Variants in SPTA1 observed in about 807,000 individuals in gnomAD.
SPTA1 encodes the protein spectrin alpha, erythrocytic 1, also known as spectrin alpha chain, erythrocytic 1.
SPTA1 carries 177 observed loss-of-function variants against 324.7 expected under a neutral mutation model. The ratio of observed to expected loss-of-function variants is 0.55; its 90% CI spans 0.48 to 0.62. The LOEUF is 0.62. SPTA1 is among the 20% of genes least tolerant of loss of function. The pLI is 0.00. For synonymous variants in SPTA1, 1,195 were observed against 1,041.3 expected, an observed-to-expected ratio of 1.15 and a Z score of -2.84; for missense variants, 3,162 against 2,883.6, an observed-to-expected ratio of 1.10 and a Z score of -2.21.
rs763611798 is a variant in SPTA1, at chr1:158,667,986, A to T, written c.1910T>A (p.Leu637Gln). 5.0e-6 allele frequency: 8 copies of T among 1,613,722 alleles called. No individual in the cohort carries two copies. The highest frequency in any genetic ancestry group is 6.8e-6 in the Non-Finnish European group (8 of 1,179,972). ...EKELAVNKTQ[L>Q]ENIQKTGQEM... ...TTGGCCAGTTTTCTGTATGTTTTCCAGCTGGGTCTTATTAACTGCCAACTC... is the reference window on the plus strand; with the variant it reads ...TTGGCCAGTTTTCTGTATGTTTTCCTGCTGGGTCTTATTAACTGCCAACTC... Residue 637 changes from leucine (L) to glutamine (Q), a missense_variant, in exon 15 of 52, where the codon CTG becomes CAG. Transcript: ENST00000643759.
intron 47 of SPTA1, among the ~76,000 whole-genome samples, chr1:158,615,742 T>C (rs1400580580): frequency 6.6e-6 from 1 of 152,174 alleles, no homozygotes; most frequent in African/African-American, 2.4e-5. Flanking sequence ...ATCTGTCATC[T>C]ATCAAGAGAG....
rs764710177 is a variant in SPTA1 at position 158,676,264 on chromosome 1, A to G, written c.989T>C (p.Leu330Pro). Residue 330 changes from leucine to proline, a missense_variant, in exon 8 of 52, where the codon CTG (leucine) becomes CCG (proline). Leu to Pro is a moderately conservative substitution (Grantham distance 98, BLOSUM62 -3). Coordinates refer to ENST00000643759, the MANE Select transcript of SPTA1 (RefSeq NM_003126.4). ...VKELCAKAEKLTLSHPSDAPQ... is the reference protein window; with the variant it reads ...VKELCAKAEKPTLSHPSDAPQ... ...TGCATCTGAAGGATGGGAAAGTGTCAGCTTCTCTGCTTTAGCACATAACTC... is the reference window on the plus strand; with the variant it reads ...TGCATCTGAAGGATGGGAAAGTGTCGGCTTCTCTGCTTTAGCACATAACTC... The G allele has an allele frequency of 1.1e-5, 17 of 1,613,612 alleles. No individual in the cohort carries two copies. Among genetic ancestry groups the G allele is most frequent in the Non-Finnish European group, 1.4e-5 (16 of 1,179,766 alleles).
At chr1:158,640,890 G>T (rs905835406) in intron 33 of SPTA1, among the ~76,000 whole-genome samples, 11 of 152,076 alleles carry the variant, frequency 7.2e-5, no homozygotes, top group Non-Finnish European at 1.2e-4. Context: ...GAGGCATCAC[G>T]CTACCTGACT....
At position 158,654,597 on chromosome 1, in the gene SPTA1, G is replaced by T. The variant is rs759705561; in HGVS notation, c.3036+14C>A. 6.2e-7 allele frequency: 1 copy of T among 1,613,880 alleles called. No individual in the cohort carries two copies. Among genetic ancestry groups the T allele is most frequent in the South Asian group, 1.1e-5 (1 of 91,058 alleles). Reference sequence around the variant, plus strand: ...GAGCCACTTTTTGATGGAAAGATTAGAAGGAAAAGTCACCTTATTGATGGA... The same window carrying T: ...GAGCCACTTTTTGATGGAAAGATTATAAGGAAAAGTCACCTTATTGATGGA... On this transcript the variant is annotated intron_variant, in intron 21 of 51. Coordinates refer to ENST00000643759, the MANE Select transcript of SPTA1 (RefSeq NM_003126.4).
chr1:158,677,246 A>C (rs1003955844), intron 7 of SPTA1, among the ~76,000 whole-genome samples: 4 of 152,156 alleles, frequency 2.6e-5, no homozygotes, highest in African/African-American at 9.7e-5. Context: ...AAGTGTCTTG[A>C]AGTTTATTTT....
Position 158,613,829 on chromosome 1 carries a change from T to C in SPTA1, c.6881A>G (p.Lys2294Arg). The change falls in exon 50 of 52, where the codon AAA becomes AGA. Residue 2294 changes from lysine to arginine, a missense_variant. Lys to Arg is a conservative substitution (Grantham distance 26). Coordinates refer to ENST00000643759, the MANE Select transcript of SPTA1 (RefSeq NM_003126.4). ...DENLTGRLTH[K>R]EFRSCLRGLN... ...TCCTCTCAGGCAGGACCGGAACTCT[T>C]TGTGAGTCAGGCGCCCTGTCAAATT... 2 of 1,613,908 alleles carry C rather than the reference T, an allele frequency of 1.2e-6. No homozygotes were observed. Among genetic ancestry groups the C allele is most frequent in the South Asian group, 1.1e-5 (1 of 91,070 alleles).
intron 39 of SPTA1, among the ~76,000 whole-genome samples, chr1:158,630,922 A>G (rs1257138316): frequency 6.6e-6 from 1 of 152,130 alleles, no homozygotes; most frequent in East Asian, 1.9e-4. Context: ...TAAAACCACA[A>G]TGAGGTATCA....
intron 48 of SPTA1, chr1:158,614,733 G>C (rs1324295749): frequency 1.6e-5 from 3 of 189,074 alleles, no homozygotes; most frequent in African/African-American, 7.1e-5. Context: ...ACCATTTACA[G>C]AAAAAGTTTG....
At chr1:158,641,344 A>G (rs1651555516) in intron 33 of SPTA1, among the ~76,000 whole-genome samples, 1 of 152,228 alleles carries the variant, frequency 6.6e-6, no homozygotes, top group Non-Finnish European at 1.5e-5. Flanking sequence ...CTGCACAGCA[A>G]AAGAAACTAC....
chr1:158,685,384 C>G, intron 1 of SPTA1, 37 bp from the exon 2 acceptor site: 4 of 1,608,196 alleles, frequency 2.5e-6, no homozygotes, highest in Non-Finnish European at 3.4e-6. Context: ...TGCTAGTTCT[C>G]AAATATTTAA....
intron 18 of SPTA1, among the ~76,000 whole-genome samples, chr1:158,659,348 C>T (rs922632345): frequency 3.3e-5 from 5 of 151,790 alleles, no homozygotes; most frequent in Non-Finnish European, 5.9e-5. Flanking sequence ...CAAATTTGTG[C>T]TTTTGGGATC....
At chr1:158,615,849 C>T (rs1321646852) in intron 47 of SPTA1, among the ~76,000 whole-genome samples, 3 of 152,290 alleles carry the variant, frequency 2.0e-5, no homozygotes, top group African/African-American at 7.2e-5. Flanking sequence ...TGTGGCTGAG[C>T]TCTCAGGCTC....
At chr1:158,665,729 G>A (rs934250806) in intron 16 of SPTA1, among the ~76,000 whole-genome samples, 2 of 151,970 alleles carry the variant, frequency 1.3e-5, no homozygotes, top group Non-Finnish European at 2.9e-5. Context: ...ACTTCTATTG[G>A]TTTCAATTTT....
Position 158,626,126 on chromosome 1 carries a change from C to CT in SPTA1, c.5910+19dup. 3.7e-6 allele frequency: 6 copies of CT among 1,610,952 alleles called. No individual in the cohort carries two copies. The highest frequency in any genetic ancestry group is 5.1e-6 in the Non-Finnish European group (6 of 1,177,246). On this transcript the variant is annotated intron_variant, in intron 42 of 51. Transcript: ENST00000643759. ...TGTGTGAATCAGGTCTTGGGCTTAC[C>CT]TAACATCTATCAATCTCACCTGTTT...
chr1:158,624,538 C>T (rs1650141465), intron 42 of SPTA1, among the ~76,000 whole-genome samples: 1 of 152,152 alleles, frequency 6.6e-6, no homozygotes, highest in African/African-American at 2.4e-5. Context: ...CAATTTATCC[C>T]ATTTGGAATT....
chr1:158,674,298 G>T, intron 10 of SPTA1, 31 bp downstream of exon 10: 2 of 1,591,262 alleles, frequency 1.3e-6, no homozygotes, highest in South Asian at 1.1e-5. Context: ...TATATAATTG[G>T]AATTTGACAA....
chr1:158,686,640 G>GA lies in SPTA1; in HGVS notation c.-124_-123insT, dbSNP rs1026493573. On this transcript the variant is annotated 5_prime_UTR_variant, in exon 1 of 52. The change creates a premature stop within an existing upstream ORF in the 5' untranslated region. Transcript: ENST00000643759. ...AAATATAGAAACGTTAAGTATGTGG[G>GA]GGAAAAAAAAAAACCTCTTGCTTGG... The GA allele has an allele frequency of 8.5e-5, 60 of 707,082 alleles. No individual in the cohort carries two copies. Among genetic ancestry groups the GA allele is most frequent in the Non-Finnish European group, 1.3e-4 (56 of 423,536 alleles). 43.8% of individuals were successfully genotyped at this position (707,082 alleles called of 1,614,324 possible).
intron 6 of SPTA1, 33 bp from the exon 7 acceptor site, chr1:158,677,867 A>C (rs758222342): frequency 8.7e-6 from 14 of 1,613,066 alleles, no homozygotes; most frequent in Non-Finnish European, 1.0e-5. Context: ...CAACCAAAGA[A>C]GATAGCAAGC....
chr1:158,680,870 G>A (rs1306324103), intron 4 of SPTA1, 141 bp from the exon 5 acceptor site: 7 of 1,115,724 alleles, frequency 6.3e-6, no homozygotes, highest in East Asian at 2.5e-5. Context: ...TCCTGGAAAA[G>A]GCCAGCAGCA....
Sources: gnomAD v4.1 joint callset for allele counts (sites outside exome capture counted in the v4.1 genomes callset) on GRCh38, gnomAD v4.1.1 for gene constraint, MANE v1.5 for transcripts, NCBI Gene and HGNC (gene_info 2026-07-23, HGNC 2026-07-21) for gene names.